Variants in AIG1 observed in about 807,000 individuals in gnomAD.
AIG1 encodes the protein androgen induced 1, also known as androgen-induced gene 1 protein.
Under a neutral mutation model 31.4 loss-of-function variants are expected in AIG1, and 23 were observed. The ratio of observed to expected loss-of-function variants is 0.73; its 90% CI spans 0.53 to 1.04. The LOEUF is 1.04. Ranked by LOEUF, AIG1 falls within the 50% of genes least tolerant of loss-of-function variation. The pLI, the probability that AIG1 is intolerant of heterozygous loss-of-function variation, is 0.00. For synonymous variants in AIG1, 100 were observed against 110.5 expected (o/e 0.90, Z 0.60); for missense variants, 274 against 295.0 (o/e 0.93, Z 0.52).
chr6:143,107,009 G>T (rs1413012819), intron 1 of AIG1, among the ~76,000 whole-genome samples: 4 of 152,142 alleles, frequency 2.6e-5, no homozygotes, highest in Non-Finnish European at 4.4e-5. Flanking sequence ...CTCACATTGG[G>T]TGTGGAGTTG....
intron 1 of AIG1, among the ~76,000 whole-genome samples, chr6:143,133,332 C>T (rs578118408): frequency 2.0e-5 from 3 of 152,194 alleles, no homozygotes; most frequent in Admixed American, 6.5e-5. Flanking sequence ...TGGGTCTCTA[C>T]TGAATGCCTG....
At position 143,292,247 on chromosome 6, in the gene AIG1, T is replaced by C. The variant is rs1045232247; in HGVS notation, c.515+8022T>C. On this transcript the variant is annotated intron_variant, in intron 4 of 5. Transcript: ENST00000357847. The surrounding 1 kb of genome is among the most constrained non-coding windows in gnomAD (Gnocchi z 4.9). Reference sequence around the variant, plus strand: ...TGGATATGTTCCCTGACATGGCATGTGGCAAAAGGGACTTTGCAGGTGTGA... The same window carrying C: ...TGGATATGTTCCCTGACATGGCATGCGGCAAAAGGGACTTTGCAGGTGTGA... 2.0e-5 allele frequency among the ~76,000 whole-genome samples: 3 copies of C among 152,356 alleles called. No homozygotes were observed. The highest frequency in any genetic ancestry group is 7.2e-5 in the African/African-American group (3 of 41,592).
At position 143,165,071 on chromosome 6, in the gene AIG1, T is replaced by C. The variant is rs770624126; in HGVS notation, c.298-11T>C. 1.4e-5 allele frequency: 22 copies of C among 1,589,046 alleles called. No homozygotes were observed. The highest frequency in any genetic ancestry group is 1.7e-6 in the Non-Finnish European group (2 of 1,158,734). The stretch of plus-strand genomic sequence containing the variant: ...ATGAACTTGAAATAAAAGATTTCTT[T>C]TTCCTTCCAGTTTGTTGTAGCAGTG... On this transcript the variant is annotated splice_polypyrimidine_tract_variant and intron_variant, in intron 2 of 5. Transcript: ENST00000357847.
downstream of AIG1, chr6:143,342,324 G>C (rs1021950894): frequency 4.4e-6 from 3 of 676,440 alleles, no homozygotes; most frequent in Admixed American, 6.3e-5. Flanking sequence ...CAGCAGCTGC[G>C]AGGAGCTCAC....
chr6:143,269,260 A>C (rs17072416), intron 3 of AIG1, among the ~76,000 whole-genome samples: 7,215 of 152,308 alleles, frequency 0.047, 555 homozygotes, highest in African/African-American at 0.16. Flanking sequence ...GTTAGAAATA[A>C]AGCACTGAAA....
intron 3 of AIG1, among the ~76,000 whole-genome samples, chr6:143,193,129 G>A (rs148799850): frequency 6.6e-6 from 1 of 152,298 alleles, no homozygotes; most frequent in Non-Finnish European, 1.5e-5. Context: ...AAACCACTCT[G>A]AAGAGATTTT....
rs554076133 is a variant in AIG1, at chr6:143,326,701, A to G, written c.516-6581A>G. On this transcript the variant is annotated intron_variant, in intron 4 of 5. Transcript: ENST00000357847. The surrounding 1 kb of genome is among the most constrained non-coding windows in gnomAD (Gnocchi z 4.5). The stretch of plus-strand genomic sequence containing the variant: ...ACTTTCCCGGAGTAAGTGATAATTG[A>G]TCAGTTGTACCAGTTGAGCTAATAT... Among the ~76,000 whole-genome samples, 1 of 152,340 alleles carries G rather than the reference A, an allele frequency of 6.6e-6. No individual in the cohort carries two copies. The highest frequency in any genetic ancestry group is 6.5e-5 in the Admixed American group (1 of 15,306).
At chr6:143,198,867 G>A (rs1033141412) in intron 3 of AIG1, among the ~76,000 whole-genome samples, 1 of 152,186 alleles carries the variant, frequency 6.6e-6, no homozygotes, top group Non-Finnish European at 1.5e-5. Context: ...GTCTGTAAGT[G>A]CCAGTATGTC....
intron 2 of AIG1, among the ~76,000 whole-genome samples, chr6:143,162,706 G>A (rs1396193895): frequency 6.6e-6 from 1 of 152,158 alleles, no homozygotes; most frequent in Non-Finnish European, 1.5e-5. Flanking sequence ...TAAACCTTTG[G>A]TCCTCACCCT....
At chr6:143,085,769 A>G (rs749921560) in intron 1 of AIG1, among the ~76,000 whole-genome samples, 2 of 152,186 alleles carry the variant, frequency 1.3e-5, no homozygotes, top group African/African-American at 4.8e-5. Flanking sequence ...GAGTCTCCCT[A>G]TCAATTACTG....
intron 3 of AIG1, among the ~76,000 whole-genome samples, chr6:143,179,581 C>T (rs1022004585): frequency 6.6e-6 from 1 of 152,172 alleles, no homozygotes; most frequent in Non-Finnish European, 1.5e-5. Context: ...TTTTGATTTA[C>T]ACTAAAGTTT....
intron 1 of AIG1, among the ~76,000 whole-genome samples, chr6:143,122,408 G>GT (rs533925597): frequency 4.1e-4 from 62 of 151,680 alleles, no homozygotes; most frequent in Admixed American, 2.4e-3. Flanking sequence ...GAATAGAAAG[G>GT]TAAAAAAAAA....
At chr6:143,161,757 T>A (rs1329709438) in intron 2 of AIG1, among the ~76,000 whole-genome samples, 1 of 152,104 alleles carries the variant, frequency 6.6e-6, no homozygotes, top group African/African-American at 2.4e-5. Flanking sequence ...TTTGTGTATG[T>A]ATATAACTCC....
chr6:143,075,444 C>T (rs1254730915), intron 1 of AIG1, among the ~76,000 whole-genome samples: 1 of 152,086 alleles, frequency 6.6e-6, no homozygotes, highest in Non-Finnish European at 1.5e-5. Context: ...GCAGGGACTA[C>T]TGGCACACAC....
In AIG1 at chr6:143,120,923, A is replaced by G. The variant is rs1005567788; in HGVS notation, c.142-15912A>G. On this transcript the variant is annotated intron_variant, in intron 1 of 5. Coordinates refer to ENST00000357847, the MANE Select transcript of AIG1 (RefSeq NM_016108.4). Reference sequence around the variant, plus strand: ...AGGGCAAGGAACACCTGGCCCACCCAGGGCGGAAAACCGCTTAAAGGCATT... The same window carrying G: ...AGGGCAAGGAACACCTGGCCCACCCGGGGCGGAAAACCGCTTAAAGGCATT... Among the ~76,000 whole-genome samples the G allele has an allele frequency of 3.9e-5, 6 of 152,214 alleles. No individual in the cohort carries two copies. The East Asian group carries it at 1.2e-3, about 29-fold the overall frequency.
chr6:143,196,894 G>A (rs952927299), intron 3 of AIG1, among the ~76,000 whole-genome samples: 7 of 152,230 alleles, frequency 4.6e-5, no homozygotes, highest in African/African-American at 9.6e-5. Context: ...TGCAGCAGTC[G>A]TCATGGTTAC....
downstream of AIG1, chr6:143,343,450 C>T (rs1344970107): frequency 2.7e-6 from 1 of 369,480 alleles, no homozygotes; most frequent in Non-Finnish European, 5.4e-6. Context: ...GACATCGGCC[C>T]TAGAGTGATC....
chr6:143,059,312 A>C (rs1405905239), upstream of AIG1, among the ~76,000 whole-genome samples: 1 of 152,200 alleles, frequency 6.6e-6, no homozygotes, highest in African/African-American at 2.4e-5. Context: ...GCCATCTTTA[A>C]GAGCTGTAAC....
intron 3 of AIG1, among the ~76,000 whole-genome samples, chr6:143,250,982 G>A (rs751476430): frequency 1.6e-4 from 24 of 152,074 alleles, no homozygotes; most frequent in African/African-American, 5.6e-4. Context: ...TGGAGACTTC[G>A]GAGGGACTGC....
Sources: allele counts gnomAD v4.1 joint callset (sites outside exome capture counted in the v4.1 genomes callset), GRCh38; gene constraint gnomAD v4.1.1; non-coding constraint Gnocchi (gnomAD v3.1); transcripts MANE v1.5; gene names NCBI Gene and HGNC (gene_info 2026-07-23, HGNC 2026-07-21).